SUN3: variants seen among roughly 807,000 people sequenced by gnomAD.
SUN3 encodes SUN domain-containing protein 3.
In SUN3, 36 loss-of-function variants were observed where a neutral mutation model predicts 48.2. The ratio of observed to expected loss-of-function variants is 0.75; its 90% confidence interval spans 0.57 to 0.99. The LOEUF is 0.99. SUN3 is among the 50% of genes least tolerant of loss of function. The pLI is 0.00. For missense variants in SUN3, 419 were observed against 433.1 expected, an observed-to-expected ratio of 0.97 and a Z score of 0.29; for synonymous variants, 148 against 147.9, an observed-to-expected ratio of 1.00 and a Z score of 0.00.
chr7:47,994,896 C>T (rs528729765), intron 7 of SUN3, among the ~76,000 whole-genome samples: 4 of 148,250 alleles, frequency 2.7e-5, no homozygotes, highest in South Asian at 2.2e-4. Context: ...GTGGTCATGG[C>T]AATGGTATCA....
intron 3 of SUN3, among the ~76,000 whole-genome samples, chr7:48,009,734 T>C (rs930820778): frequency 1.3e-5 from 2 of 152,082 alleles, no homozygotes; most frequent in Non-Finnish European, 2.9e-5. Context: ...GGACACAACA[T>C]GTGGCTTCAG....
At chr7:48,000,808 A>AT (rs1467109919) in intron 6 of SUN3, among the ~76,000 whole-genome samples, 1 of 144,982 alleles carries the variant, frequency 6.9e-6, no homozygotes, top group Non-Finnish European at 1.5e-5. Flanking sequence ...TCTGGATGTC[A>AT]TTTTCCTTGA....
At chr7:47,997,671 T>A (rs1470942848) in intron 6 of SUN3, among the ~76,000 whole-genome samples, 2 of 152,202 alleles carry the variant, frequency 1.3e-5, no homozygotes, top group East Asian at 3.8e-4. Flanking sequence ...CCACAATCAA[T>A]TTTAGAACAT....
At chr7:48,033,196 T>C (rs1562618524), upstream of SUN3, among the ~76,000 whole-genome samples, 1 of 152,344 alleles carries the variant, frequency 6.6e-6, no homozygotes, top group South Asian at 2.1e-4. Flanking sequence ...TGTTTTAATT[T>C]CCATGGCATC....
chr7:48,026,291 CAAAAAAAGA>C (rs1358198291), intron 1 of SUN3, among the ~76,000 whole-genome samples: 2 of 149,458 alleles, frequency 1.3e-5, no homozygotes, highest in South Asian at 2.1e-4. Context: ...GAACTAGCTA[CAAAAAAAGA>C]AAAAAAAGAA....
chr7:48,017,997 A>G (rs1789860645), intron 2 of SUN3, among the ~76,000 whole-genome samples: 1 of 152,234 alleles, frequency 6.6e-6, no homozygotes, highest in South Asian at 2.1e-4. Context: ...CTTTCTGGAA[A>G]AAGGGCTCAG....
intron 3 of SUN3, 55 bp downstream of exon 3, chr7:48,017,207 G>T: frequency 1.1e-6 from 1 of 870,708 alleles, no homozygotes; most frequent in Middle Eastern, 2.6e-4. Flanking sequence ...AACTAGCCTT[G>T]TAGCATATTA....
At chr7:48,012,717 G>A (rs1453115615) in intron 3 of SUN3, among the ~76,000 whole-genome samples, 1 of 152,206 alleles carries the variant, frequency 6.6e-6, no homozygotes, top group Non-Finnish European at 1.5e-5. Context: ...TCACAACTGT[G>A]ATCACTGTGG....
At chr7:47,994,734 C>A (rs1789156183) in intron 7 of SUN3, among the ~76,000 whole-genome samples, 1 of 152,106 alleles carries the variant, frequency 6.6e-6, no homozygotes, top group African/African-American at 2.4e-5. Context: ...AGCTAGAGGG[C>A]ATGAGTGGTG....
the SUN3 span, among the ~76,000 whole-genome samples, chr7:48,035,183 G>GT: frequency 6.6e-6 from 1 of 152,172 alleles, no homozygotes; most frequent in Admixed American, 6.5e-5. This position sits in a 1 kb window ranked among gnomAD's most constrained non-coding sequence, Gnocchi z 4.0. Flanking sequence ...CCGCTCTACA[G>GT]TAACTGTGGT....
At chr7:47,989,019 A>G in intron 8 of SUN3, 139 bp from the exon 9 acceptor site, 1 of 503,604 alleles carries the variant, frequency 2.0e-6, no homozygotes, top group Non-Finnish European at 3.5e-6. Flanking sequence ...TAACCTATAC[A>G]CCCAGAGGAT....
In SUN3 at chr7:48,029,022, T is replaced by C; in HGVS notation, c.-84A>G. The C allele has an allele frequency of 1.3e-6, 2 of 1,566,874 alleles. No homozygotes were observed. Among genetic ancestry groups the C allele is most frequent in the Non-Finnish European group, 1.7e-6 (2 of 1,159,100 alleles). ...CTATTTTATGAAAAACATGAAGCTATACATACAGTTTCTAAATTTGTTTTG... is the reference window on the plus strand; with the variant it reads ...CTATTTTATGAAAAACATGAAGCTACACATACAGTTTCTAAATTTGTTTTG... On this transcript the variant is annotated 5_prime_UTR_variant, in exon 1 of 10. Transcript: ENST00000297325.
At position 47,994,460 on chromosome 7, in the gene SUN3, C is replaced by T. The variant is rs776205338; in HGVS notation, c.716G>A (p.Cys239Tyr). Residue 239 changes from cysteine (C) to tyrosine (Y), a missense_variant, in exon 8 of 10, where the codon TGC (cysteine) becomes TAC (tyrosine). Transcript: ENST00000297325. ...ACCCTGGGAACCTGGAAAAGCCCAG[C>T]ACTTTCCAGGGTAGACATCCGGCTG... ...ILQPDVYPGK[C>Y]WAFPGSQGHT... 43 of 1,604,256 alleles carry T rather than the reference C, an allele frequency of 2.7e-5. No individual in the cohort carries two copies. The highest frequency in any genetic ancestry group is 3.6e-5 in the Non-Finnish European group (42 of 1,177,018).
intron 2 of SUN3, among the ~76,000 whole-genome samples, chr7:48,022,739 C>T (rs2128783200): frequency 6.6e-6 from 1 of 151,970 alleles, no homozygotes; most frequent in East Asian, 1.9e-4. Flanking sequence ...TGTTGAAAGA[C>T]AAAAACACAG....
chr7:47,997,841 T>C (rs1638693814), intron 6 of SUN3, among the ~76,000 whole-genome samples: 1 of 152,250 alleles, frequency 6.6e-6, no homozygotes, highest in Admixed American at 6.5e-5. Context: ...AGTCACAGTA[T>C]GTAGCCTTTT....
chr7:48,013,261 T>C (rs77706649), intron 3 of SUN3, among the ~76,000 whole-genome samples: 1,894 of 152,330 alleles, frequency 0.012, 26 homozygotes, highest in African/African-American at 0.042. Flanking sequence ...TCCATTGTGC[T>C]GATCCAGCTT....
chr7:48,009,106 T>A (rs765004041), intron 3 of SUN3, 31 bp from the exon 4 acceptor site: 21 of 1,594,732 alleles, frequency 1.3e-5, no homozygotes, highest in Middle Eastern at 3.4e-4. Context: ...TAAATCATTC[T>A]GAATTCTGCT....
upstream of SUN3, among the ~76,000 whole-genome samples, chr7:48,029,487 C>T (rs147944209): frequency 2.8e-4 from 43 of 152,270 alleles, no homozygotes; most frequent in African/African-American, 9.6e-4. Context: ...CATTTTCATG[C>T]TTAAAACATA....
upstream of SUN3, among the ~76,000 whole-genome samples, chr7:48,029,415 A>T (rs1267692702): frequency 1.3e-5 from 2 of 152,194 alleles, no homozygotes; most frequent in Non-Finnish European, 2.9e-5. Context: ...CTGAAAATTG[A>T]TATACTCTAT....
Sources: allele counts gnomAD v4.1 joint callset (sites outside exome capture counted in the v4.1 genomes callset), GRCh38; gene constraint gnomAD v4.1.1; non-coding constraint Gnocchi (gnomAD v3.1); transcripts MANE v1.5; gene names NCBI Gene and HGNC (gene_info 2026-07-23, HGNC 2026-07-21).